The following IQCM variants were observed in gnomAD, a reference collection of about 807,000 sequenced individuals.
The protein encoded by IQCM is IQ motif containing M.
IQCM carries 45 observed loss-of-function variants against 57.6 expected under a neutral mutation model. The ratio of observed to expected loss-of-function variants is 0.78; its 90% CI spans 0.62 to 1.00. The LOEUF (loss-of-function observed/expected upper bound fraction) is 1.00, where lower values mean the gene tolerates loss of function less well. IQCM is among the 50% of genes least tolerant of loss of function. The pLI is 0.00. For missense variants in IQCM, 468 were observed against 511.6 expected (o/e 0.91, Z 0.82); for synonymous variants, 148 against 158.9 (o/e 0.93, Z 0.51).
intron 2 of IQCM, among the ~76,000 whole-genome samples, chr4:149,784,726 A>T (rs1771924648): frequency 6.6e-6 from 1 of 152,100 alleles, no homozygotes; most frequent in Non-Finnish European, 1.5e-5. Flanking sequence ...AAAAAAAGTA[A>T]ATCTTATCCC....
intron 8 of IQCM, among the ~76,000 whole-genome samples, chr4:149,601,833 C>T (rs1014828211): frequency 6.6e-6 from 1 of 151,820 alleles, no homozygotes; most frequent in African/African-American, 2.4e-5. Context: ...CCAAGGCAGG[C>T]AGATCCCAAG....
chr4:149,464,732 T>C (rs1263746956), intron 12 of IQCM, among the ~76,000 whole-genome samples: 1 of 152,180 alleles, frequency 6.6e-6, no homozygotes, highest in Non-Finnish European at 1.5e-5. Context: ...CTTTGTGGAA[T>C]GATGGAAATG....
At chr4:149,720,354 T>G (rs183256528) in intron 5 of IQCM, among the ~76,000 whole-genome samples, 1 of 152,338 alleles carries the variant, frequency 6.6e-6, no homozygotes, top group Non-Finnish European at 1.5e-5. Context: ...ATTCTATGTA[T>G]TCATAGTTTT....
chr4:149,781,573 G>A (rs560225437), intron 2 of IQCM, among the ~76,000 whole-genome samples: 2 of 152,218 alleles, frequency 1.3e-5, no homozygotes, highest in African/African-American at 4.8e-5. Context: ...TAGTTGTTCT[G>A]TCTTATTATT....
intron 9 of IQCM, among the ~76,000 whole-genome samples, chr4:149,573,365 A>T (rs921532781): frequency 6.6e-6 from 1 of 151,852 alleles, no homozygotes; most frequent in Non-Finnish European, 1.5e-5. Flanking sequence ...ACTCCTCTTC[A>T]AGACCTTCCT....
At chr4:149,547,132 G>A (rs1297544471) in intron 12 of IQCM, among the ~76,000 whole-genome samples, 1 of 151,996 alleles carries the variant, frequency 6.6e-6, no homozygotes, top group East Asian at 1.9e-4. Context: ...GATGGTTGTA[G>A]ATGTGTGGTA....
intron 13 of IQCM, among the ~76,000 whole-genome samples, chr4:149,420,761 T>G (rs1326510956): frequency 6.6e-6 from 1 of 152,148 alleles, no homozygotes. Flanking sequence ...TTGTATATTA[T>G]ATAGTAATTA....
chr4:149,403,614 A>C (rs1346630804), intron 13 of IQCM, among the ~76,000 whole-genome samples: 1 of 151,890 alleles, frequency 6.6e-6, no homozygotes, highest in Non-Finnish European at 1.5e-5. Context: ...ATTAGTGATC[A>C]GTTCCTGTAT....
At chr4:149,630,453 G>T (rs1037912953) in intron 7 of IQCM, among the ~76,000 whole-genome samples, 1 of 152,174 alleles carries the variant, frequency 6.6e-6, no homozygotes, top group Non-Finnish European at 1.5e-5. Flanking sequence ...GAAAGACAGA[G>T]GTCCTGGGGA....
At chr4:149,505,270 C>G (rs1480470295) in intron 12 of IQCM, among the ~76,000 whole-genome samples, 5 of 152,234 alleles carry the variant, frequency 3.3e-5, no homozygotes, top group African/African-American at 1.2e-4. Context: ...TATAGAACAT[C>G]AATGACTAGA....
In IQCM at chr4:149,369,052, A is replaced by AT. The variant is rs532378170; in HGVS notation, c.1391-16987dup. On this transcript the variant is annotated intron_variant, in intron 13 of 13. Coordinates refer to ENST00000636793, the MANE Select transcript of IQCM (RefSeq NM_001363507.2). The stretch of plus-strand genomic sequence containing the variant: ...TATACATGTGTATATATATATATGT[A>AT]TTTTTTTTTTGAGATGGAGTCTCGC... Among the ~76,000 whole-genome samples, 663 of 121,546 alleles carry AT rather than the reference A, an allele frequency of 5.5e-3. 59 individuals carry two copies. Among genetic ancestry groups the AT allele is most frequent in the African/African-American group, 0.02 (625 of 30,802 alleles). The allele number at this position is 121,546 out of a possible 152,430, so 79.7% of individuals were successfully genotyped here.
intron 13 of IQCM, among the ~76,000 whole-genome samples, chr4:149,416,847 C>T (rs1733783443): frequency 6.6e-6 from 1 of 152,072 alleles, no homozygotes; most frequent in Non-Finnish European, 1.5e-5. Context: ...AATAATGTGA[C>T]TTGAACAAGA....
At chr4:149,471,037 C>G (rs1229622659) in intron 12 of IQCM, among the ~76,000 whole-genome samples, 2 of 151,932 alleles carry the variant, frequency 1.3e-5, no homozygotes, top group African/African-American at 2.4e-5. Context: ...AAATTGACAC[C>G]CTAACATCAC....
intron 9 of IQCM, among the ~76,000 whole-genome samples, chr4:149,572,105 G>C (rs1719771201): frequency 6.6e-6 from 1 of 152,030 alleles, no homozygotes; most frequent in East Asian, 1.9e-4. Context: ...CCCTGGATGG[G>C]AAGGTGAAAC....
At chr4:149,758,643 T>C (rs1041971935) in intron 2 of IQCM, among the ~76,000 whole-genome samples, 2 of 151,888 alleles carry the variant, frequency 1.3e-5, no homozygotes, top group East Asian at 3.8e-4. Flanking sequence ...AAGAAAACAA[T>C]CTGACTTTTA....
intron 12 of IQCM, among the ~76,000 whole-genome samples, chr4:149,481,701 G>GTTTTTGTTTTTTGTTT (rs1740822174): frequency 1.9e-5 from 1 of 51,580 alleles, no homozygotes; most frequent in African/African-American, 7.6e-5. Flanking sequence ...TTCCAGTTTT[G>GTTTTTGTTTTTTGTTT]TTTTTTTTTT....
intron 12 of IQCM, among the ~76,000 whole-genome samples, chr4:149,440,599 T>C (rs535400666): frequency 3.9e-5 from 6 of 152,250 alleles, no homozygotes; most frequent in African/African-American, 1.4e-4. Flanking sequence ...CAAAAATATA[T>C]ACATTTTTTT....
At chr4:149,742,025 G>C (rs187158573) in intron 3 of IQCM, among the ~76,000 whole-genome samples, 2 of 151,810 alleles carry the variant, frequency 1.3e-5, no homozygotes, top group African/African-American at 4.8e-5. Flanking sequence ...AATTTTTCTG[G>C]TAGACATACT....
intron 5 of IQCM, among the ~76,000 whole-genome samples, chr4:149,719,911 G>C (rs952610610): frequency 1.3e-5 from 2 of 152,180 alleles, no homozygotes; most frequent in African/African-American, 4.8e-5. Flanking sequence ...TAAGGTTAAA[G>C]AATACCGAGA....
Sources: gnomAD v4.1 joint callset for allele counts (sites outside exome capture counted in the v4.1 genomes callset) on GRCh38, gnomAD v4.1.1 for gene constraint, MANE v1.5 for transcripts, NCBI Gene and HGNC (gene_info 2026-07-23, HGNC 2026-07-21) for gene names.